Variants in SH3GL2 observed in about 807,000 individuals in gnomAD.
SH3GL2 encodes endophilin-A1.
In SH3GL2, 24 loss-of-function variants were observed where a neutral mutation model predicts 46.0. The ratio of observed to expected loss-of-function variants is 0.52; its 90% confidence interval spans 0.38 to 0.73. SH3GL2 has a LOEUF of 0.73. Ranked by LOEUF, SH3GL2 falls within the 30% of genes least tolerant of loss-of-function variation. The probability of loss-of-function intolerance (pLI) is 0.00; values close to 1 mark genes in which losing one functional copy is unlikely to be tolerated. For synonymous variants in SH3GL2, 196 were observed against 147.1 expected (o/e 1.33, Z -2.40); for missense variants, 413 against 424.2 (o/e 0.97, Z 0.23).
intron 1 of SH3GL2, among the ~76,000 whole-genome samples, chr9:17,593,323 C>A (rs1818518466): frequency 6.6e-6 from 1 of 152,126 alleles, no homozygotes; most frequent in Non-Finnish European, 1.5e-5. Flanking sequence ...GGACCGAGCC[C>A]TCAACCTGTG....
intron 3 of SH3GL2, among the ~76,000 whole-genome samples, chr9:17,765,679 A>T (rs1432965426): frequency 6.6e-6 from 1 of 152,106 alleles, no homozygotes; most frequent in Non-Finnish European, 1.5e-5. Flanking sequence ...TCCAGCGTAA[A>T]GGTCACTTAT....
intron 1 of SH3GL2, among the ~76,000 whole-genome samples, chr9:17,633,277 A>G (rs1379311835): frequency 3.3e-5 from 5 of 152,154 alleles, no homozygotes; most frequent in Non-Finnish European, 7.3e-5. Context: ...GCAGGAGTGG[A>G]CTAGAAATCA....
chr9:17,677,034 C>A (rs953572029), intron 1 of SH3GL2, among the ~76,000 whole-genome samples: 1 of 152,114 alleles, frequency 6.6e-6, no homozygotes, highest in African/African-American at 2.4e-5. Flanking sequence ...CATGGCCTGC[C>A]CTCATGGGAC....
At chr9:17,733,513 C>T (rs952041841) in intron 1 of SH3GL2, among the ~76,000 whole-genome samples, 1 of 151,178 alleles carries the variant, frequency 6.6e-6, no homozygotes, top group Non-Finnish European at 1.5e-5. Flanking sequence ...CACTTTTACA[C>T]TGTTGGTGGG....
intron 1 of SH3GL2, among the ~76,000 whole-genome samples, chr9:17,674,471 C>T (rs921573482): frequency 3.9e-5 from 6 of 151,912 alleles, no homozygotes; most frequent in African/African-American, 1.2e-4. Context: ...TTCACCATAT[C>T]GCCCAGGCTG....
chr9:17,764,636 T>C (rs1285665968), intron 3 of SH3GL2, among the ~76,000 whole-genome samples: 1 of 150,946 alleles, frequency 6.6e-6, no homozygotes, highest in Non-Finnish European at 1.5e-5. Context: ...GCTTCGAGGG[T>C]ACTTTGGGAG....
intron 3 of SH3GL2, among the ~76,000 whole-genome samples, chr9:17,767,002 G>A (rs1823336989): frequency 6.6e-6 from 1 of 152,192 alleles, no homozygotes; most frequent in Admixed American, 6.5e-5. Context: ...CAGTTGGACT[G>A]TGGACCTTTT....
chr9:17,688,873 G>A (rs1226540518), intron 1 of SH3GL2, among the ~76,000 whole-genome samples: 1 of 152,046 alleles, frequency 6.6e-6, no homozygotes, highest in African/African-American at 2.4e-5. Context: ...CATACTTCCT[G>A]TGCAGAGGAA....
rs949901949 is a variant in SH3GL2 at position 17,747,080 on chromosome 9, G to A, written c.60G>A (p.Lys20=). 1.9e-6 allele frequency: 3 copies of A among 1,606,546 alleles called. No homozygotes were observed. Among genetic ancestry groups the A allele is most frequent in the African/African-American group, 2.7e-5 (2 of 74,878 alleles). Residue 20 remains lysine (K), a synonymous_variant, in exon 2 of 9, where the codon AAG becomes AAA. Transcript: ENST00000380607. ...ATTTTCTACAGAAAGTGAGTGAGAA[G>A]GTTGGAGGAGCTGAAGGAACCAAGC... is the stretch of plus-strand genomic sequence containing the variant. ...FHKATQKVSE[K]VGGAEGTKLD...
intron 1 of SH3GL2, among the ~76,000 whole-genome samples, chr9:17,602,051 G>A (rs566023708): frequency 2.0e-5 from 3 of 152,218 alleles, no homozygotes; most frequent in Admixed American, 6.5e-5. Context: ...CTTCCTTCCC[G>A]ACTGTCTCTC....
At chr9:17,628,836 A>C (rs1195801886) in intron 1 of SH3GL2, among the ~76,000 whole-genome samples, 1 of 152,162 alleles carries the variant, frequency 6.6e-6, no homozygotes, top group Non-Finnish European at 1.5e-5. Flanking sequence ...TTGCCAGCCA[A>C]AAATTGATAT....
At chr9:17,764,268 A>G (rs878941045) in intron 3 of SH3GL2, among the ~76,000 whole-genome samples, 1 of 152,210 alleles carries the variant, frequency 6.6e-6, no homozygotes, top group Non-Finnish European at 1.5e-5. Flanking sequence ...ACAGAATTTA[A>G]ACAACCTGCA....
intron 1 of SH3GL2, among the ~76,000 whole-genome samples, chr9:17,618,277 A>G (rs1196047890): frequency 6.6e-6 from 1 of 152,172 alleles, no homozygotes. Context: ...AAAATACCTC[A>G]GTAAAGAATT....
intron 3 of SH3GL2, among the ~76,000 whole-genome samples, chr9:17,780,316 G>A (rs1442620121): frequency 6.6e-6 from 1 of 151,944 alleles, no homozygotes; most frequent in Non-Finnish European, 1.5e-5. Flanking sequence ...TTTTGATCTG[G>A]CTTATTTTGT....
chr9:17,684,755 AG>A (rs1387088739), intron 1 of SH3GL2, among the ~76,000 whole-genome samples: 1 of 152,154 alleles, frequency 6.6e-6, no homozygotes, highest in Non-Finnish European at 1.5e-5. Flanking sequence ...GAGTCAAAGC[AG>A]ACTTCTCATC....
chr9:17,585,645 CTG>C (rs1818361555), intron 1 of SH3GL2, among the ~76,000 whole-genome samples: 1 of 152,190 alleles, frequency 6.6e-6, no homozygotes, highest in East Asian at 1.9e-4. Context: ...AGAGCAAGGA[CTG>C]TGGGCAAGTG....
intron 1 of SH3GL2, among the ~76,000 whole-genome samples, chr9:17,681,908 A>G (rs1820779000): frequency 6.6e-6 from 1 of 152,226 alleles, no homozygotes; most frequent in Non-Finnish European, 1.5e-5. Context: ...ACACTTCTCA[A>G]AAGAAGACAT....
chr9:17,708,339 TTATA>T (rs1821528532), intron 1 of SH3GL2, among the ~76,000 whole-genome samples: 2 of 152,000 alleles, frequency 1.3e-5, no homozygotes, highest in African/African-American at 2.4e-5. Flanking sequence ...TTATCACGCT[TTATA>T]TATTTCATTT....
At chr9:17,678,028 T>C (rs1326311768) in intron 1 of SH3GL2, among the ~76,000 whole-genome samples, 2 of 152,202 alleles carry the variant, frequency 1.3e-5, no homozygotes, top group African/African-American at 4.8e-5. Context: ...CAGTCTATCA[T>C]TATTGGACAT....
Sources: allele counts gnomAD v4.1 joint callset (sites outside exome capture counted in the v4.1 genomes callset), GRCh38; gene constraint gnomAD v4.1.1; transcripts MANE v1.5; gene names NCBI Gene and HGNC (gene_info 2026-07-23, HGNC 2026-07-21).